The following CAMKMT variants were observed in gnomAD, a reference collection of about 807,000 sequenced individuals.
The protein encoded by CAMKMT is calmodulin-lysine N-methyltransferase, also known as CaM KMT.
Under a neutral mutation model 48.0 loss-of-function variants are expected in CAMKMT, and 53 were observed. The observed-to-expected ratio is 1.10, with a 90% CI of 0.89 to 1.39. The LOEUF (loss-of-function observed/expected upper bound fraction) is 1.39. CAMKMT is among the 40% of genes most tolerant of loss of function. The pLI, the probability that CAMKMT is intolerant of heterozygous loss-of-function variation, is 0.00. For synonymous variants in CAMKMT, 165 were observed against 152.3 expected (o/e 1.08, Z -0.61); for missense variants, 428 against 402.7 (o/e 1.06, Z -0.54).
rs983273669 is a variant in CAMKMT at position 44,415,732 on chromosome 2, G to T, written c.376+25427G>T. Among the ~76,000 whole-genome samples the T allele has an allele frequency of 3.3e-5, 5 of 152,154 alleles. No individual in the cohort carries two copies. In the East Asian group the frequency reaches 9.6e-4, roughly 29 times the overall value. On this transcript the variant is annotated intron_variant, in intron 3 of 10. Coordinates refer to ENST00000378494, the MANE Select transcript of CAMKMT (RefSeq NM_024766.5). ...CAATGATTCCACATTTCTTCAAGTGGCTGCCATAGAATGGAAATTGAAATC... is the reference window on the plus strand; with the variant it reads ...CAATGATTCCACATTTCTTCAAGTGTCTGCCATAGAATGGAAATTGAAATC...
chr2:44,390,051 T>C (rs766264264), intron 2 of CAMKMT, among the ~76,000 whole-genome samples, 190 bp from the exon 3 acceptor site: 2 of 152,212 alleles, frequency 1.3e-5, no homozygotes, highest in Non-Finnish European at 2.9e-5. Context: ...TTATGTTAAA[T>C]ATTCTGAGGA....
rs1006474626 is a variant in CAMKMT at position 44,653,601 on chromosome 2, G to A, written c.377-50682G>A. Among the ~76,000 whole-genome samples the A allele has an allele frequency of 2.6e-5, 4 of 152,166 alleles. No homozygotes were observed. The highest frequency in any genetic ancestry group is 2.0e-4 in the Admixed American group (3 of 15,278). The stretch of plus-strand genomic sequence containing the variant: ...AAGGATTATAAAGGAATGGAGTTAT[G>A]CAGAAGGTATGCAGAGAAGGAGTGG... On this transcript the variant is annotated intron_variant, in intron 3 of 10. Coordinates refer to ENST00000378494, the MANE Select transcript of CAMKMT (RefSeq NM_024766.5). The surrounding 1 kb of genome is among the most constrained non-coding windows in gnomAD (Gnocchi z 5.2).
intron 3 of CAMKMT, among the ~76,000 whole-genome samples, chr2:44,683,822 C>CAAAAAAAAAAAAAAAAAAAAA (rs10644183): frequency 5.6e-5 from 4 of 70,918 alleles, no homozygotes; most frequent in Admixed American, 2.1e-4. Flanking sequence ...GACTCTGTCT[C>CAAAAAAAAAAAAAAAAAAAAA]AAAAAAAAAA....
At chr2:44,737,147 ACT>A (rs774024521) in intron 7 of CAMKMT, among the ~76,000 whole-genome samples, 1 of 152,150 alleles carries the variant, frequency 6.6e-6, no homozygotes, top group Non-Finnish European at 1.5e-5. Context: ...ACAGAGTCTC[ACT>A]CAGTCATGCA....
At chr2:44,545,253 G>A (rs1407533051) in intron 3 of CAMKMT, among the ~76,000 whole-genome samples, 1 of 152,216 alleles carries the variant, frequency 6.6e-6, no homozygotes, top group African/African-American at 2.4e-5. Context: ...AGCAATGCGA[G>A]TTCCAAAACA....
chr2:44,618,841 A>G lies in CAMKMT; in HGVS notation c.377-85442A>G, dbSNP rs899542974. On this transcript the variant is annotated intron_variant, in intron 3 of 10. Coordinates refer to ENST00000378494, the MANE Select transcript of CAMKMT (RefSeq NM_024766.5). This position sits in a 1 kb window ranked among gnomAD's most constrained non-coding sequence, Gnocchi z 4.0. ...CTCTAAGCAGTTATTTTGTACAACTACCTTTTATTCTATTTCATGTATAAT... is the reference window on the plus strand; with the variant it reads ...CTCTAAGCAGTTATTTTGTACAACTGCCTTTTATTCTATTTCATGTATAAT... 1.3e-5 allele frequency among the ~76,000 whole-genome samples: 2 copies of G among 152,134 alleles called. No homozygotes were observed. Among genetic ancestry groups the G allele is most frequent in the African/African-American group, 4.8e-5 (2 of 41,420 alleles).
At chr2:44,451,367 T>G (rs1350585880) in intron 3 of CAMKMT, among the ~76,000 whole-genome samples, 1 of 152,036 alleles carries the variant, frequency 6.6e-6, no homozygotes, top group Admixed American at 6.6e-5. Context: ...AATCCTTTTT[T>G]TATAACTCAA....
At chr2:44,744,768 G>A (rs934199957) in intron 8 of CAMKMT, among the ~76,000 whole-genome samples, 2 of 151,902 alleles carry the variant, frequency 1.3e-5, no homozygotes, top group Non-Finnish European at 2.9e-5. Flanking sequence ...AAAAGTCATT[G>A]GAATTAGGTT....
chr2:44,646,267 T>G (rs1287694764), intron 3 of CAMKMT, among the ~76,000 whole-genome samples: 1 of 152,096 alleles, frequency 6.6e-6, no homozygotes, highest in Non-Finnish European at 1.5e-5. Flanking sequence ...GAAGAATACT[T>G]CAACTCAGAT....
chr2:44,542,072 T>C (rs1416149585), intron 3 of CAMKMT, among the ~76,000 whole-genome samples: 1 of 147,160 alleles, frequency 6.8e-6, no homozygotes, highest in Non-Finnish European at 1.5e-5. Context: ...GAGGTTGCGG[T>C]GAGCCGAGAT....
At chr2:44,649,871 C>A (rs551660) in intron 3 of CAMKMT, among the ~76,000 whole-genome samples, 33,369 of 152,000 alleles carry the variant, frequency 0.22, 3,788 homozygotes, top group African/African-American at 0.26. Context: ...GAAGGAAAGT[C>A]TTTCCCCTAA....
At chr2:44,381,867 A>G (rs1288867874) in intron 2 of CAMKMT, among the ~76,000 whole-genome samples, 6 of 150,080 alleles carry the variant, frequency 4.0e-5, no homozygotes, top group Admixed American at 3.3e-4. Flanking sequence ...GGAACCGTAT[A>G]TTGCTTTTAT....
At chr2:44,548,646 C>CT (rs1667535153) in intron 3 of CAMKMT, among the ~76,000 whole-genome samples, 1 of 152,026 alleles carries the variant, frequency 6.6e-6, no homozygotes, top group South Asian at 2.1e-4. Context: ...AAATCTGGGT[C>CT]TAGAGGTCAG....
At chr2:44,547,068 G>A (rs1264378555) in intron 3 of CAMKMT, among the ~76,000 whole-genome samples, 1 of 152,082 alleles carries the variant, frequency 6.6e-6, no homozygotes, top group Non-Finnish European at 1.5e-5. Flanking sequence ...GGGTCCTGAG[G>A]GTGGGGAAGA....
chr2:44,367,381 C>T (rs891308132), intron 1 of CAMKMT, among the ~76,000 whole-genome samples: 9 of 152,172 alleles, frequency 5.9e-5, no homozygotes, highest in South Asian at 2.1e-4. Flanking sequence ...TGTGACAAGT[C>T]GCAATTAAAA....
At chr2:44,523,528 C>A (rs1218736733) in intron 3 of CAMKMT, among the ~76,000 whole-genome samples, 5 of 151,636 alleles carry the variant, frequency 3.3e-5, no homozygotes, top group African/African-American at 1.2e-4. Context: ...CTCCTGACCG[C>A]AGGTGATCCA....
chr2:44,531,721 G>T (rs1572729241), intron 3 of CAMKMT, among the ~76,000 whole-genome samples: 1 of 152,154 alleles, frequency 6.6e-6, no homozygotes, highest in East Asian at 1.9e-4. Flanking sequence ...CTTGAGGATT[G>T]TCTATGTTAT....
intron 10 of CAMKMT, among the ~76,000 whole-genome samples, chr2:44,769,305 G>C (rs1299840732): frequency 2.0e-5 from 3 of 152,126 alleles, no homozygotes; most frequent in African/African-American, 7.2e-5. Context: ...GCACTTTTCT[G>C]CCAGTGCTTT....
intron 1 of CAMKMT, among the ~76,000 whole-genome samples, chr2:44,365,260 G>C (rs1338962181): frequency 3.9e-5 from 6 of 151,990 alleles, no homozygotes; most frequent in East Asian, 1.9e-4. Flanking sequence ...AGAGCTCCAA[G>C]GCTGTCTCAT....
Sources: allele counts gnomAD v4.1 joint callset (sites outside exome capture counted in the v4.1 genomes callset), GRCh38; gene constraint gnomAD v4.1.1; non-coding constraint Gnocchi (gnomAD v3.1); transcripts MANE v1.5; gene names NCBI Gene and HGNC (gene_info 2026-07-23, HGNC 2026-07-21).